STAT1: variants seen among roughly 807,000 people sequenced by gnomAD.
STAT1 encodes signal transducer and activator of transcription 1-alpha/beta.
STAT1 carries 24 observed loss-of-function variants against 111.7 expected under a neutral mutation model. That is an observed-to-expected ratio of 0.21 (90% CI 0.16 to 0.30). The LOEUF (loss-of-function observed/expected upper bound fraction) is 0.30. Among genes scored for constraint, STAT1 ranks in the 10% least tolerant of loss-of-function variants. The probability of loss-of-function intolerance (pLI) is 1.00; values close to 1 mark genes in which losing one functional copy is unlikely to be tolerated. For synonymous variants in STAT1, 332 were observed against 326.5 expected (o/e 1.02, Z -0.18); for missense variants, 351 against 911.9 (o/e 0.38, Z 7.92).
In STAT1 at chr2:190,979,646, C is replaced by T; in HGVS notation, c.1727+126G>A. 1.3e-6 allele frequency: 1 copy of T among 767,400 alleles called. No homozygotes were observed. Among genetic ancestry groups the T allele is most frequent in the Admixed American group, 2.0e-5 (1 of 49,924 alleles). 47.5% of individuals were successfully genotyped at this position (767,400 alleles called of 1,614,324 possible). On this transcript the variant is annotated intron_variant, in intron 20 of 24. Transcript: ENST00000361099. The surrounding 1 kb of genome is among the most constrained non-coding windows in gnomAD (Gnocchi z 5.8). ...CTCTTCTGAAGCCCTGAAGGGGCAG[C>T]CTATAAATGCGCACTCCTGTGAGAT...
At position 191,007,507 on chromosome 2, in the gene STAT1, T is replaced by G; in HGVS notation, c.372+56A>C. On this transcript the variant is annotated intron_variant, in intron 5 of 24. Coordinates refer to ENST00000361099, the MANE Select transcript of STAT1 (RefSeq NM_007315.4). The surrounding 1 kb of genome is among the most constrained non-coding windows in gnomAD (Gnocchi z 4.2). The stretch of plus-strand genomic sequence containing the variant: ...TGACATGGGCCCTAATAGTATTTGA[T>G]GAATGAATACATTTTTATTTTATTA... The G allele has an allele frequency of 7.6e-7, 1 of 1,313,992 alleles. No homozygotes were observed. The highest frequency in any genetic ancestry group is 1.7e-5 in the Admixed American group (1 of 59,334). 81.4% of individuals were successfully genotyped at this position (1,313,992 alleles called of 1,614,324 possible).
chr2:190,982,825 G>A lies in STAT1; in HGVS notation c.1447-307C>T, dbSNP rs1046537694. ...GCAAAGAATTCGAGTCTCTTAACAC[G>A]CTTCCAACTGAAGCCAAACAAAATG... is the stretch of plus-strand genomic sequence containing the variant. On this transcript the variant is annotated intron_variant, in intron 17 of 24. Transcript: ENST00000361099. The surrounding 1 kb of genome is among the most constrained non-coding windows in gnomAD (Gnocchi z 7.3). Among the ~76,000 whole-genome samples, 3 of 152,120 alleles carry A rather than the reference G, an allele frequency of 2.0e-5. No individual in the cohort carries two copies. The highest frequency in any genetic ancestry group is 2.9e-5 in the Non-Finnish European group (2 of 68,018).
intron 2 of STAT1, among the ~76,000 whole-genome samples, chr2:191,010,822 T>C (rs1695062054): frequency 6.6e-6 from 1 of 152,248 alleles, no homozygotes; most frequent in South Asian, 2.1e-4. Flanking sequence ...ACTTAGCTTT[T>C]TGGATAACTG....
At chr2:190,985,932 C>A (rs560651921) in intron 14 of STAT1, among the ~76,000 whole-genome samples, 127 of 152,314 alleles carry the variant, frequency 8.3e-4, no homozygotes, top group African/African-American at 3.0e-3. Flanking sequence ...CTGAATGTTT[C>A]CCCATGCACC....
At position 190,997,979 on chromosome 2, in the gene STAT1, A is replaced by G; in HGVS notation, c.662T>C (p.Leu221Pro). Residue 221 changes from leucine to proline, a missense_variant, in exon 9 of 25, where the codon CTG becomes CCG. Coordinates refer to ENST00000361099, the MANE Select transcript of STAT1 (RefSeq NM_007315.4). This position sits in a 1 kb window ranked among gnomAD's most constrained non-coding sequence, Gnocchi z 7.3. Reference protein sequence around the residue: ...KEVVHKIIELLNVTELTQNAL... With the variant: ...KEVVHKIIELPNVTELTQNAL... Reference sequence around the variant, plus strand: ...ATTCTGGGTAAGTTCAGTGACATTCAGCAACTCTATTATTTTGTGAACTAC... The same window carrying G: ...ATTCTGGGTAAGTTCAGTGACATTCGGCAACTCTATTATTTTGTGAACTAC... 6.2e-7 allele frequency: 1 copy of G among 1,614,258 alleles called. No individual in the cohort carries two copies. Among genetic ancestry groups the G allele is most frequent in the Non-Finnish European group, 8.5e-7 (1 of 1,180,050 alleles).
rs1255777751 is a variant in STAT1 at position 191,007,499 on chromosome 2, G to A, written c.372+64C>T. 6 of 1,212,250 alleles carry A rather than the reference G, an allele frequency of 4.9e-6. No homozygotes were observed. The highest frequency in any genetic ancestry group is 7.3e-6 in the Non-Finnish European group (6 of 820,030). The allele number at this position is 1,212,250 out of a possible 1,614,324, so 75.1% of individuals were successfully genotyped here. ...CATTGCTTTGACATGGGCCCTAATAGTATTTGATGAATGAATACATTTTTA... is the reference window on the plus strand; with the variant it reads ...CATTGCTTTGACATGGGCCCTAATAATATTTGATGAATGAATACATTTTTA... On this transcript the variant is annotated intron_variant, in intron 5 of 24. Coordinates refer to ENST00000361099, the MANE Select transcript of STAT1 (RefSeq NM_007315.4). This position sits in a 1 kb window ranked among gnomAD's most constrained non-coding sequence, Gnocchi z 4.2.
chr2:190,984,543 TTA>T lies in STAT1; in HGVS notation c.1264-152_1264-151del. 1 of 691,520 alleles carries T rather than the reference TTA, an allele frequency of 1.4e-6. No homozygotes were observed. Among genetic ancestry groups the T allele is most frequent in the Admixed American group, 2.4e-5 (1 of 42,272 alleles). The allele number at this position is 691,520 out of a possible 1,614,324, so 42.8% of individuals were successfully genotyped here. On this transcript the variant is annotated intron_variant, in intron 15 of 24. Coordinates refer to ENST00000361099, the MANE Select transcript of STAT1 (RefSeq NM_007315.4). This position sits in a 1 kb window ranked among gnomAD's most constrained non-coding sequence, Gnocchi z 5.2. ...ACTCAATATTCAATCTCTCCCAGAT[TTA>T]ATGATTCTTAGTATCTCAGTGTGCT...
Position 190,970,713 on chromosome 2 carries a change from T to C in STAT1, c.2243A>G (p.Asn748Ser). Residue 748 changes from asparagine (N) to serine (S), a missense_variant, in exon 25 of 25, where the codon AAC becomes AGC. Coordinates refer to ENST00000361099, the MANE Select transcript of STAT1 (RefSeq NM_007315.4). The surrounding 1 kb of genome is among the most constrained non-coding windows in gnomAD (Gnocchi z 5.4). The stretch of plus-strand genomic sequence containing the variant: ...AAAAAAATTCATGCTCTATACTGTG[T>C]TCATCTGTAAAAAGACAAAATGTGG... ...VGSVEFDSMM[N>S]TV 1 of 1,613,626 alleles carries C rather than the reference T, an allele frequency of 6.2e-7. No homozygotes were observed. Among genetic ancestry groups the C allele is most frequent in the Non-Finnish European group, 8.5e-7 (1 of 1,179,760 alleles).
intron 1 of STAT1, 170 bp from the exon 2 acceptor site, chr2:191,013,848 A>G (rs1695330252): frequency 2.5e-6 from 1 of 393,142 alleles, no homozygotes; most frequent in African/African-American, 2.1e-5. Flanking sequence ...ATCTCCGAGA[A>G]CAGGTGGCAC....
rs1693809938 is a variant in STAT1, at chr2:190,995,789, C to G, written c.786-570G>C. 6.6e-6 allele frequency among the ~76,000 whole-genome samples: 1 copy of G among 152,182 alleles called. No homozygotes were observed. Among genetic ancestry groups the G allele is most frequent in the Non-Finnish European group, 1.5e-5 (1 of 68,044 alleles). On this transcript the variant is annotated intron_variant, in intron 9 of 24. Transcript: ENST00000361099. This position sits in a 1 kb window ranked among gnomAD's most constrained non-coding sequence, Gnocchi z 4.2. ...ATTTGAGGAGTACAACTAACATGCA[C>G]TGAATGATTACAGCCTACATCAAAA...
In STAT1 at chr2:191,012,068, C is replaced by T. The variant is rs1574676208; in HGVS notation, c.-2+1457G>A. On this transcript the variant is annotated intron_variant, in intron 2 of 24. Coordinates refer to ENST00000361099, the MANE Select transcript of STAT1 (RefSeq NM_007315.4). The surrounding 1 kb of genome is among the most constrained non-coding windows in gnomAD (Gnocchi z 4.0). ...ACCCTGCCACAGTTGGTTCTTAAGGCTGGTTGAGCTAGTACATATGTAGCA... is the reference window on the plus strand; with the variant it reads ...ACCCTGCCACAGTTGGTTCTTAAGGTTGGTTGAGCTAGTACATATGTAGCA... Among the ~76,000 whole-genome samples the T allele has an allele frequency of 6.6e-6, 1 of 151,370 alleles. No homozygotes were observed.
chr2:190,993,237 G>C lies in STAT1; in HGVS notation c.944+1824C>G, dbSNP rs891380647. On this transcript the variant is annotated intron_variant, in intron 10 of 24. Coordinates refer to ENST00000361099, the MANE Select transcript of STAT1 (RefSeq NM_007315.4). The surrounding 1 kb of genome is among the most constrained non-coding windows in gnomAD (Gnocchi z 4.1). Reference sequence around the variant, plus strand: ...TTGTTGACGTTTTCACTGGGATAATGATCTATTTTCTGCAGTCACTGTTTA... The same window carrying C: ...TTGTTGACGTTTTCACTGGGATAATCATCTATTTTCTGCAGTCACTGTTTA... 2 of 586,772 alleles carry C rather than the reference G, an allele frequency of 3.4e-6. No individual in the cohort carries two copies. Among genetic ancestry groups the C allele is most frequent in the Non-Finnish European group, 6.4e-6 (2 of 311,782 alleles). The allele number at this position is 586,772 out of a possible 1,614,324, so 36.3% of individuals were successfully genotyped here.
rs985012988 is a variant in STAT1 at position 190,984,251 on chromosome 2, T to A, written c.1347+59A>T. Reference sequence around the variant, plus strand: ...ACAAACACTGAGAAATAAAAATACATGTAACAATTAAAAGTAAAAATAATG... The same window carrying A: ...ACAAACACTGAGAAATAAAAATACAAGTAACAATTAAAAGTAAAAATAATG... On this transcript the variant is annotated intron_variant, in intron 16 of 24. Coordinates refer to ENST00000361099, the MANE Select transcript of STAT1 (RefSeq NM_007315.4). The surrounding 1 kb of genome is among the most constrained non-coding windows in gnomAD (Gnocchi z 5.2). 1.5e-6 allele frequency: 2 copies of A among 1,328,510 alleles called. No homozygotes were observed. Among genetic ancestry groups the A allele is most frequent in the African/African-American group, 2.9e-5 (2 of 69,108 alleles). The allele number at this position is 1,328,510 out of a possible 1,614,324, so 82.3% of individuals were successfully genotyped here. A position where few individuals can be genotyped will look rare whatever the true frequency, so the allele number is the denominator to read the frequency against.
chr2:190,974,972 A>G lies in STAT1; in HGVS notation c.2136-40T>C. 5 of 1,429,020 alleles carry G rather than the reference A, an allele frequency of 3.5e-6. No individual in the cohort carries two copies. The highest frequency in any genetic ancestry group is 4.9e-6 in the Non-Finnish European group (5 of 1,013,496). The allele number at this position is 1,429,020 out of a possible 1,614,324, so 88.5% of individuals were successfully genotyped here. On this transcript the variant is annotated intron_variant, in intron 23 of 24. Transcript: ENST00000361099. The surrounding 1 kb of genome is among the most constrained non-coding windows in gnomAD (Gnocchi z 4.8). ...AAGAAAAGAGCAATGTCAACATCTGAGTGATGAAAGCACTAGTGCATACTT... is the reference window on the plus strand; with the variant it reads ...AAGAAAAGAGCAATGTCAACATCTGGGTGATGAAAGCACTAGTGCATACTT...
Position 191,009,093 on chromosome 2 carries a change from T to C in STAT1, c.143A>G (p.Asn48Ser), listed in dbSNP as rs1410517497. ...LEKQDWEHAA[N>S]DVSFATIRFH... ...ACGGATGGTGGCAAATGAAACATCATTGGCAGCGTGCTCCCTAGGAGATTT... is the reference window on the plus strand; with the variant it reads ...ACGGATGGTGGCAAATGAAACATCACTGGCAGCGTGCTCCCTAGGAGATTT... The change falls in exon 4 of 25, where the codon AAT (asparagine) becomes AGT (serine). Residue 48 changes from asparagine (N) to serine (S), a missense_variant. Coordinates refer to ENST00000361099, the MANE Select transcript of STAT1 (RefSeq NM_007315.4). 6.2e-6 allele frequency: 10 copies of C among 1,614,112 alleles called. No individual in the cohort carries two copies. Among genetic ancestry groups the C allele is most frequent in the Non-Finnish European group, 7.6e-6 (9 of 1,179,962 alleles).
At position 191,003,518 on chromosome 2, in the gene STAT1, T is replaced by C. The variant is rs1694443075; in HGVS notation, c.373-2355A>G. The stretch of plus-strand genomic sequence containing the variant: ...GAATAGTTTAGCACCATCCTCTTGG[T>C]ACTATCCTTGTGATCACGAGTTCTC... On this transcript the variant is annotated intron_variant, in intron 5 of 24. Coordinates refer to ENST00000361099, the MANE Select transcript of STAT1 (RefSeq NM_007315.4). This position sits in a 1 kb window ranked among gnomAD's most constrained non-coding sequence, Gnocchi z 4.0. 6.6e-6 allele frequency among the ~76,000 whole-genome samples: 1 copy of C among 152,202 alleles called. No homozygotes were observed. The highest frequency in any genetic ancestry group is 2.4e-5 in the African/African-American group (1 of 41,446).
chr2:191,009,320 A>C (rs994064060), intron 3 of STAT1, among the ~76,000 whole-genome samples: 1 of 152,206 alleles, frequency 6.6e-6, no homozygotes, highest in Non-Finnish European at 1.5e-5. Flanking sequence ...CTAAACTCTA[A>C]GAGATTGTGC....
At position 190,971,235 on chromosome 2, in the gene STAT1, C is replaced by T. The variant is rs549815773; in HGVS notation, c.2239-518G>A. Reference sequence around the variant, plus strand: ...TGCCCAGCTGCCTTGACCAGGACAACTTATAGTAAGTAAACTGTTCATCCA... The same window carrying T: ...TGCCCAGCTGCCTTGACCAGGACAATTTATAGTAAGTAAACTGTTCATCCA... On this transcript the variant is annotated intron_variant, in intron 24 of 24. Coordinates refer to ENST00000361099, the MANE Select transcript of STAT1 (RefSeq NM_007315.4). This position sits in a 1 kb window ranked among gnomAD's most constrained non-coding sequence, Gnocchi z 4.1. Among the ~76,000 whole-genome samples the T allele has an allele frequency of 1.3e-5, 2 of 152,326 alleles. No individual in the cohort carries two copies. Among genetic ancestry groups the T allele is most frequent in the Non-Finnish European group, 2.9e-5 (2 of 68,034 alleles).
At position 190,986,684 on chromosome 2, in the gene STAT1, G is replaced by A. The variant is rs1194821405; in HGVS notation, c.1221+170C>T. ...AGAGTGAACAGTCGTGGGATAAGGA[G>A]GAGAAACCAAAATGCCCCAAGTACT... On this transcript the variant is annotated intron_variant, in intron 14 of 24. Transcript: ENST00000361099. This position sits in a 1 kb window ranked among gnomAD's most constrained non-coding sequence, Gnocchi z 5.0. Among the ~76,000 whole-genome samples the A allele has an allele frequency of 1.1e-4, 17 of 152,212 alleles. No homozygotes were observed. The highest frequency in any genetic ancestry group is 1.1e-3 in the Admixed American group (17 of 15,286).
Sources: gnomAD v4.1 joint callset for allele counts (sites outside exome capture counted in the v4.1 genomes callset) on GRCh38, gnomAD v4.1.1 for gene constraint, Gnocchi (gnomAD v3.1) non-coding constraint, MANE v1.5 for transcripts, NCBI Gene and HGNC (gene_info 2026-07-23, HGNC 2026-07-21) for gene names.